ADGRV1: variants seen among roughly 807,000 people sequenced by gnomAD.
ADGRV1 encodes the protein G-protein coupled receptor 98.
ADGRV1 carries 359 observed loss-of-function variants against 596.2 expected under a neutral mutation model. The ratio of observed to expected loss-of-function variants is 0.60; its 90% confidence interval spans 0.55 to 0.66. The LOEUF is 0.66. ADGRV1 is among the 30% of genes least tolerant of loss of function. The pLI is 0.00. For missense variants in ADGRV1, 7,274 were observed against 7,575.6 expected, an observed-to-expected ratio of 0.96 and a Z score of 1.48; for synonymous variants, 2,681 against 2,679.2, an observed-to-expected ratio of 1.00 and a Z score of -0.02.
At position 90,558,830 on chromosome 5, in the gene ADGRV1, C is replaced by T. The variant is rs1476499798; in HGVS notation, c.-66C>T. 2.0e-6 allele frequency: 3 copies of T among 1,510,384 alleles called. No homozygotes were observed. The highest frequency in any genetic ancestry group is 1.2e-5 in the South Asian group (1 of 83,450). The allele number at this position is 1,510,384 out of a possible 1,614,324, so 93.6% of individuals were successfully genotyped here. Reference sequence around the variant, plus strand: ...GAATCAGCAGCGCGGGCAAGGAGTACGGACGGGAGTCAGAGGCAGAGCGAG... The same window carrying T: ...GAATCAGCAGCGCGGGCAAGGAGTATGGACGGGAGTCAGAGGCAGAGCGAG... On this transcript the variant is annotated 5_prime_UTR_variant, in exon 1 of 90. In the 5' UTR this introduces an upstream ATG that the reference lacks. Coordinates refer to ENST00000405460, the MANE Select transcript of ADGRV1 (RefSeq NM_032119.4).
At chr5:90,722,346 A>C (rs1346364643) in intron 45 of ADGRV1, among the ~76,000 whole-genome samples, 1 of 152,030 alleles carries the variant, frequency 6.6e-6, no homozygotes, top group African/African-American at 2.4e-5. Flanking sequence ...TAAGGGGAGT[A>C]AAATAAATGT....
chr5:90,945,506 G>A (rs567038340), intron 83 of ADGRV1, among the ~76,000 whole-genome samples: 1 of 152,244 alleles, frequency 6.6e-6, no homozygotes, highest in Non-Finnish European at 1.5e-5. Context: ...CCAATCCAGG[G>A]CTTGTTTTCA....
In ADGRV1 at chr5:91,130,669, G is replaced by T. The variant is rs567313089; in HGVS notation, c.18433-19361G>T. On this transcript the variant is annotated intron_variant, in intron 87 of 89. Transcript: ENST00000405460. ...TTAGATTCAGTGGGTACATGTGCAG[G>T]TTTGTTGCATGGATTTATTGCATGA... is the stretch of plus-strand genomic sequence containing the variant. 1.3e-5 allele frequency among the ~76,000 whole-genome samples: 2 copies of T among 152,180 alleles called. 1 individual carries two copies.
At chr5:90,873,042 T>G (rs1283963057) in intron 83 of ADGRV1, among the ~76,000 whole-genome samples, 2 of 152,244 alleles carry the variant, frequency 1.3e-5, no homozygotes, top group Non-Finnish European at 2.9e-5. Flanking sequence ...CTGAGCTTTA[T>G]CTGCTTGCTG....
chr5:90,571,258 C>T (rs1182692688), intron 1 of ADGRV1, among the ~76,000 whole-genome samples: 3 of 152,016 alleles, frequency 2.0e-5, no homozygotes, highest in African/African-American at 7.3e-5. Context: ...GCTCCATGTG[C>T]GTGTTGAAGA....
Position 90,685,793 on chromosome 5 carries a change from A to G in ADGRV1, c.6288A>G (p.Pro2096=). 6.2e-7 allele frequency: 1 copy of G among 1,607,752 alleles called. No individual in the cohort carries two copies. Among genetic ancestry groups the G allele is most frequent in the Non-Finnish European group, 8.5e-7 (1 of 1,177,978 alleles). ...KVQSRSIPNS[P]RLGPKVETIA... is the part of the protein sequence containing the mutation. ...TCTGTCTTTCAGTTCCAAATTCTCCACGTCTTGGGCCTAAGGTAGAAACTA... is the reference window on the plus strand; with the variant it reads ...TCTGTCTTTCAGTTCCAAATTCTCCGCGTCTTGGGCCTAAGGTAGAAACTA... The change falls in exon 29 of 90, where the codon CCA becomes CCG. Residue 2096 remains proline (P), a synonymous_variant. Transcript: ENST00000405460.
intron 38 of ADGRV1, among the ~76,000 whole-genome samples, chr5:90,706,940 G>A (rs7706469): frequency 0.022 from 3,388 of 151,968 alleles, 128 homozygotes; most frequent in African/African-American, 0.079. Flanking sequence ...CTGCTGTTAT[G>A]TATTTTATTA....
intron 83 of ADGRV1, among the ~76,000 whole-genome samples, chr5:90,909,962 T>C (rs1475623714): frequency 2.6e-5 from 4 of 152,218 alleles, no homozygotes; most frequent in Non-Finnish European, 5.9e-5. Flanking sequence ...CATGTGTCAG[T>C]TGGTCACATA....
rs763050056 is a variant in ADGRV1, at chr5:90,754,978, C to T, written c.11378-5C>T. On this transcript the variant is annotated splice_region_variant and splice_polypyrimidine_tract_variant and intron_variant, in intron 54 of 89. Transcript: ENST00000405460. ...CTATTTACTCGTGGCATGTTTCTCT[C>T]ACAGAAAACACCACCACTCTTCAGT... 6.2e-7 allele frequency: 1 copy of T among 1,603,210 alleles called. No homozygotes were observed. The highest frequency in any genetic ancestry group is 8.5e-7 in the Non-Finnish European group (1 of 1,170,796).
In ADGRV1 at chr5:90,810,561, G is replaced by A. The variant is rs41305904; in HGVS notation, c.15301G>A (p.Gly5101Arg). The A allele has an allele frequency of 6.8e-6, 11 of 1,613,568 alleles. No individual in the cohort carries two copies. Among genetic ancestry groups the A allele is most frequent in the Non-Finnish European group, 8.5e-6 (10 of 1,179,776 alleles). The change falls in exon 74 of 90, where the codon GGA (glycine) becomes AGA (arginine). Residue 5101 changes from glycine to arginine, a missense_variant. Gly to Arg is a moderately radical substitution (Grantham distance 125). Transcript: ENST00000405460. ...YINLTSVEIR[G>R]LQKFDVNWSP... ...TAACCTTACTTCAGTAGAAATTAGG[G>A]GATTACAAAAGTTTGATGTTAATTG...
Position 90,622,597 on chromosome 5 carries a change from C to A in ADGRV1, c.454C>A (p.Leu152Ile). 1 of 1,424,124 alleles carries A rather than the reference C, an allele frequency of 7.0e-7. No individual in the cohort carries two copies. The highest frequency in any genetic ancestry group is 2.7e-5 in the Admixed American group (1 of 37,336). 88.2% of individuals were successfully genotyped at this position (1,424,124 alleles called of 1,614,324 possible). ...NAFGIISFNMLPSIAVSEPKG... is the reference protein window; with the variant it reads ...NAFGIISFNMIPSIAVSEPKG... Reference sequence around the variant, plus strand: ...CATCTGTGCTTGCTTTCCTCAATAGCTTCCCTCAATCGCAGTGAGTGAGCC... The same window carrying A: ...CATCTGTGCTTGCTTTCCTCAATAGATTCCCTCAATCGCAGTGAGTGAGCC... The change falls in exon 5 of 90, where the codon CTT becomes ATT. Residue 152 changes from leucine (L) to isoleucine (I), a missense_variant and splice_region_variant. By Grantham distance (5) the Leu-to-Ile change is conservative. Transcript: ENST00000405460.
At chr5:90,562,766 TACTC>T (rs1311652147) in intron 1 of ADGRV1, among the ~76,000 whole-genome samples, 2 of 152,212 alleles carry the variant, frequency 1.3e-5, no homozygotes, top group African/African-American at 2.4e-5. Context: ...CTTGAAGTAA[TACTC>T]ACAAAATTAT....
At chr5:90,812,050 C>T (rs1401770242) in intron 74 of ADGRV1, among the ~76,000 whole-genome samples, 2 of 151,446 alleles carry the variant, frequency 1.3e-5, no homozygotes, top group African/African-American at 4.9e-5. Context: ...GACTCAGCTT[C>T]CCGAGTAGCT....
intron 79 of ADGRV1, among the ~76,000 whole-genome samples, chr5:90,851,650 A>T (rs1766542013): frequency 6.6e-6 from 1 of 152,094 alleles, no homozygotes; most frequent in Admixed American, 6.5e-5. Context: ...TCTACATGTC[A>T]ATGTGGGAGT....
At position 90,647,607 on chromosome 5, in the gene ADGRV1, G is replaced by A; in HGVS notation, c.3132G>A (p.Lys1044=). The A allele has an allele frequency of 4.3e-6, 7 of 1,613,948 alleles. No homozygotes were observed. The highest frequency in any genetic ancestry group is 5.9e-6 in the Non-Finnish European group (7 of 1,179,872). Residue 1044 remains lysine (K), a synonymous_variant, in exon 17 of 90, where the codon AAG becomes AAA. Coordinates refer to ENST00000405460, the MANE Select transcript of ADGRV1 (RefSeq NM_032119.4). ...TCCAGTATGCTACCAAGGATGGGAA[G>A]GCTACTGCAAGAGAGAGAGATTTCA... ...CMVQYATKDG[K]ATARERDFIP...
intron 30 of ADGRV1, 88 bp downstream of exon 30, chr5:90,690,164 A>G (rs1468001125): frequency 1.3e-6 from 1 of 758,158 alleles, no homozygotes; most frequent in Non-Finnish European, 2.2e-6. Flanking sequence ...CTCAGAATTG[A>G]TCTGATCATG....
chr5:90,731,181 G>T (rs991568730), intron 50 of ADGRV1, among the ~76,000 whole-genome samples: 1 of 152,150 alleles, frequency 6.6e-6, no homozygotes, highest in East Asian at 1.9e-4. Context: ...GCTTTGGGAG[G>T]CCTCAGGAAG....
intron 21 of ADGRV1, among the ~76,000 whole-genome samples, chr5:90,662,261 A>G (rs545650399): frequency 2.1e-5 from 3 of 141,784 alleles, no homozygotes; most frequent in East Asian, 4.2e-4. Context: ...TGATGCGATC[A>G]TGGCTCACTG....
chr5:90,597,008 C>T (rs1417746634), intron 1 of ADGRV1, among the ~76,000 whole-genome samples: 2 of 152,084 alleles, frequency 1.3e-5, no homozygotes, highest in African/African-American at 4.8e-5. Context: ...GAGATATGAT[C>T]AACTCATCTT....
Sources: gnomAD v4.1 joint callset for allele counts (sites outside exome capture counted in the v4.1 genomes callset) on GRCh38, gnomAD v4.1.1 for gene constraint, MANE v1.5 for transcripts, NCBI Gene and HGNC (gene_info 2026-07-23, HGNC 2026-07-21) for gene names.